Variants in ADAMTS12 observed in about 807,000 individuals in gnomAD.
ADAMTS12 encodes A disintegrin and metalloproteinase with thrombospondin motifs 12.
A neutral mutation model predicts 167.8 loss-of-function variants in ADAMTS12; 118 were observed. The ratio of observed to expected loss-of-function variants is 0.70; its 90% CI spans 0.61 to 0.82. The LOEUF is 0.82. ADAMTS12 is among the 40% of genes least tolerant of loss of function. The probability of loss-of-function intolerance (pLI) is 0.00; values close to 1 mark genes in which losing one functional copy is unlikely to be tolerated. For missense variants in ADAMTS12, 1,916 were observed against 1,998.8 expected (o/e 0.96, Z 0.79); for synonymous variants, 704 against 716.9 (o/e 0.98, Z 0.29).
chr5:33,885,490 T>TA (rs34857329), intron 1 of ADAMTS12, among the ~76,000 whole-genome samples: 34 of 151,532 alleles, frequency 2.2e-4, no homozygotes, highest in African/African-American at 7.5e-4. Context: ...TAAAAAATAA[T>TA]AAAAAAAAAT....
chr5:33,754,166 G>A (rs575750587), intron 2 of ADAMTS12, among the ~76,000 whole-genome samples: 22 of 152,214 alleles, frequency 1.4e-4, no homozygotes, highest in African/African-American at 3.9e-4. Context: ...AAAATCACCC[G>A]TGGTTTGCTT....
chr5:33,790,564 A>G (rs918280663), intron 2 of ADAMTS12, among the ~76,000 whole-genome samples: 1 of 150,822 alleles, frequency 6.6e-6, no homozygotes, highest in African/African-American at 2.4e-5. Context: ...TCAAAAAAAA[A>G]AAAAAAAGAA....
chr5:33,773,897 A>T (rs1745827332), intron 2 of ADAMTS12, among the ~76,000 whole-genome samples: 1 of 152,214 alleles, frequency 6.6e-6, no homozygotes, highest in African/African-American at 2.4e-5. Context: ...CAAAGAAAGC[A>T]GCTGGCTGAG....
Position 33,641,947 on chromosome 5 carries a change from C to T in ADAMTS12, c.1581G>A (p.Met527Ile), listed in dbSNP as rs767609287. The T allele has an allele frequency of 2.5e-6, 4 of 1,611,922 alleles. No individual in the cohort carries two copies. In the East Asian group the frequency reaches 8.9e-5, roughly 36 times the overall value. The change falls in exon 11 of 24, where the codon ATG becomes ATA. Residue 527 changes from methionine (M) to isoleucine (I), a missense_variant. Met to Ile is a conservative substitution (Grantham distance 10). Transcript: ENST00000504830. ...GTQCGEKKWC[M>I]AGKCITVGKK... ...TCCCCACTGTGATGCACTTGCCTGC[C>T]ATACACCACTGGAAAGGGAAGAGGC...
At chr5:33,724,068 C>G (rs1351456205) in intron 3 of ADAMTS12, among the ~76,000 whole-genome samples, 2 of 152,238 alleles carry the variant, frequency 1.3e-5, no homozygotes, top group Non-Finnish European at 2.9e-5. Flanking sequence ...CTGTACCAAA[C>G]TCTCTGGTTC....
chr5:33,801,711 G>C lies in ADAMTS12; in HGVS notation c.490-50163C>G, dbSNP rs539436182. On this transcript the variant is annotated intron_variant, in intron 2 of 23. Coordinates refer to ENST00000504830, the MANE Select transcript of ADAMTS12 (RefSeq NM_030955.4). The stretch of plus-strand genomic sequence containing the variant: ...AAGGTACAAAGGTGAGGGAGTCCCA[G>C]TGCCAGTCACTGAAGAATGAATACT... 2.0e-5 allele frequency among the ~76,000 whole-genome samples: 3 copies of C among 152,330 alleles called. No individual in the cohort carries two copies. In the South Asian group the frequency reaches 6.2e-4, roughly 32 times the overall value.
intron 9 of ADAMTS12, 137 bp from the exon 10 acceptor site, chr5:33,643,607 G>C: frequency 1.4e-6 from 1 of 734,184 alleles, no homozygotes. Context: ...GTGACAGAAA[G>C]CAATCATTAG....
rs769752715 is a variant in ADAMTS12 at position 33,576,053 on chromosome 5, C to T, written c.3972+1G>A. The T allele has an allele frequency of 6.2e-7, 1 of 1,609,882 alleles. No individual in the cohort carries two copies. Among genetic ancestry groups the T allele is most frequent in the South Asian group, 1.1e-5 (1 of 90,496 alleles). ...CAGGCCAGGGGTAGGAAATGTCTTACCTCGCTCCAGTTTCCGACGATCCAG... is the reference window on the plus strand; with the variant it reads ...CAGGCCAGGGGTAGGAAATGTCTTATCTCGCTCCAGTTTCCGACGATCCAG... On this transcript the variant is annotated splice_donor_variant, in intron 19 of 23. Transcript: ENST00000504830. LOFTEE classifies it high-confidence loss of function.
chr5:33,755,008 T>C (rs770928398), intron 2 of ADAMTS12, among the ~76,000 whole-genome samples: 10 of 152,180 alleles, frequency 6.6e-5, no homozygotes, highest in Admixed American at 6.5e-4. Flanking sequence ...AAATGTTTTA[T>C]AAAAAGAACA....
chr5:33,817,630 A>AC (rs916228513), intron 2 of ADAMTS12, among the ~76,000 whole-genome samples: 1 of 152,104 alleles, frequency 6.6e-6, no homozygotes, highest in Non-Finnish European at 1.5e-5. Flanking sequence ...ATCCTGGATT[A>AC]TTTTGTGGCA....
chr5:33,815,740 A>G (rs1019069145), intron 2 of ADAMTS12, among the ~76,000 whole-genome samples: 1 of 152,186 alleles, frequency 6.6e-6, no homozygotes, highest in African/African-American at 2.4e-5. Flanking sequence ...AAAGCAGGAA[A>G]GGCAAGTTTT....
At chr5:33,884,119 AC>A (rs1580020382) in intron 1 of ADAMTS12, among the ~76,000 whole-genome samples, 1 of 152,296 alleles carries the variant, frequency 6.6e-6, no homozygotes, top group East Asian at 1.9e-4. Context: ...CCACATGCTG[AC>A]TGGCGCCTTC....
intron 3 of ADAMTS12, 79 bp from the exon 4 acceptor site, chr5:33,684,134 G>A: frequency 1.8e-6 from 2 of 1,084,468 alleles, no homozygotes; most frequent in South Asian, 3.9e-5. Context: ...AAAGATGCAA[G>A]GCCATAAGTT....
chr5:33,804,431 C>T (rs1167454148), intron 2 of ADAMTS12, among the ~76,000 whole-genome samples: 1 of 152,208 alleles, frequency 6.6e-6, no homozygotes, highest in East Asian at 1.9e-4. Context: ...CTGAGCCCAA[C>T]CCTGCATGAG....
intron 3 of ADAMTS12, among the ~76,000 whole-genome samples, chr5:33,740,794 G>A (rs1339273178): frequency 6.6e-6 from 1 of 152,142 alleles, no homozygotes; most frequent in Non-Finnish European, 1.5e-5. Context: ...GCCAGGTGGG[G>A]CCAGGGAACC....
At chr5:33,890,186 GA>G (rs1304036467) in intron 1 of ADAMTS12, among the ~76,000 whole-genome samples, 3 of 152,162 alleles carry the variant, frequency 2.0e-5, no homozygotes, top group African/African-American at 7.2e-5. Flanking sequence ...GAGCAGAGCT[GA>G]AAACCAACCC....
intron 3 of ADAMTS12, among the ~76,000 whole-genome samples, chr5:33,734,222 G>C (rs1744289408): frequency 6.6e-6 from 1 of 152,188 alleles, no homozygotes; most frequent in Non-Finnish European, 1.5e-5. Context: ...TTCGCAGCTA[G>C]AGACCAAACC....
intron 17 of ADAMTS12, among the ~76,000 whole-genome samples, chr5:33,591,663 T>A (rs1747642878): frequency 6.6e-6 from 1 of 152,166 alleles, no homozygotes; most frequent in Admixed American, 6.5e-5. Flanking sequence ...CCATGCTCAG[T>A]CCTTTTCCCT....
chr5:33,710,441 G>A (rs79628321), intron 3 of ADAMTS12, among the ~76,000 whole-genome samples: 4 of 152,208 alleles, frequency 2.6e-5, no homozygotes, highest in Non-Finnish European at 5.9e-5. Context: ...GGTTCACCAC[G>A]TCTCCATTTT....
Sources: allele counts gnomAD v4.1 joint callset (sites outside exome capture counted in the v4.1 genomes callset), GRCh38; gene constraint gnomAD v4.1.1; transcripts MANE v1.5; gene names NCBI Gene and HGNC (gene_info 2026-07-23, HGNC 2026-07-21).